Variants in RTN4RL1 observed in about 807,000 individuals in gnomAD.
RTN4RL1 encodes reticulon-4 receptor-like 1.
Under a neutral mutation model 25.6 loss-of-function variants are expected in RTN4RL1, and 7 were observed. That is an observed-to-expected ratio of 0.27 (90% CI 0.16 to 0.51). The LOEUF is 0.51. Among genes scored for constraint, RTN4RL1 ranks in the 20% least tolerant of loss-of-function variants. RTN4RL1 has a pLI of 0.97. For missense variants in RTN4RL1, 500 were observed against 615.6 expected, an observed-to-expected ratio of 0.81 and a Z score of 1.99; for synonymous variants, 297 against 288.2, an observed-to-expected ratio of 1.03 and a Z score of -0.31.
At chr17:1,944,752 C>T (rs1481084113) in intron 1 of RTN4RL1, among the ~76,000 whole-genome samples, 5 of 152,286 alleles carry the variant, frequency 3.3e-5, no homozygotes, top group African/African-American at 7.2e-5. Flanking sequence ...CCACCGTGCC[C>T]GGCCAACTTC....
chr17:1,952,697 A>T (rs11654521), intron 1 of RTN4RL1, among the ~76,000 whole-genome samples: 68,330 of 151,172 alleles, frequency 0.45, 16,273 homozygotes, highest in Middle Eastern at 0.57. Context: ...TCCTCTTGGC[A>T]ATCAGGATCC....
rs1285793673 is a variant in RTN4RL1, at chr17:1,935,725, A to G, written c.*771T>C. The G allele has an allele frequency of 0.023, 4,645 of 198,680 alleles. 524 individuals carry two copies. Among genetic ancestry groups the G allele is most frequent in the Non-Finnish European group, 0.035 (4,218 of 120,206 alleles). The allele number at this position is 198,680 out of a possible 1,614,324, so 12.3% of individuals were successfully genotyped here. On this transcript the variant is annotated 3_prime_UTR_variant, in exon 2 of 2. Coordinates refer to ENST00000331238, the MANE Select transcript of RTN4RL1 (RefSeq NM_178568.4). ...TGTGCATTTGTGTATATATATATAT[A>G]TATATATATATATATATATATATAT...
chr17:1,937,857 A>G (rs1915345197), intron 1 of RTN4RL1, 49 bp from the exon 2 acceptor site: 3 of 1,426,840 alleles, frequency 2.1e-6, no homozygotes, highest in South Asian at 2.5e-5. Context: ...GCAGGTGAGG[A>G]CTGGCACCGC....
At chr17:2,006,034 T>C (rs2066992927) in intron 1 of RTN4RL1, among the ~76,000 whole-genome samples, 1 of 152,006 alleles carries the variant, frequency 6.6e-6, no homozygotes, top group Admixed American at 6.6e-5. Flanking sequence ...CTTGACCTCA[T>C]GATCCACCCG....
At chr17:1,983,028 G>A (rs2066873995) in intron 1 of RTN4RL1, among the ~76,000 whole-genome samples, 1 of 151,960 alleles carries the variant, frequency 6.6e-6, no homozygotes, top group South Asian at 2.1e-4. Context: ...GCTATGCTGA[G>A]ACCTCACATT....
chr17:1,977,544 G>A (rs9908557), intron 1 of RTN4RL1, among the ~76,000 whole-genome samples: 35,326 of 151,964 alleles, frequency 0.23, 4,429 homozygotes, highest in Middle Eastern at 0.33. Context: ...CCGCCGGCCT[G>A]GGGTGTCTGG....
chr17:2,007,374 A>ACACACT (rs397809633), intron 1 of RTN4RL1, among the ~76,000 whole-genome samples: 69 of 142,486 alleles, frequency 4.8e-4, no homozygotes, highest in Admixed American at 9.8e-4. Flanking sequence ...ACACACACAC[A>ACACACT]CTCTTCCTCT....
In RTN4RL1 at chr17:1,994,082, G is replaced by A. The variant is rs761594818; in HGVS notation, c.13+30771C>T. 5.9e-5 allele frequency among the ~76,000 whole-genome samples: 9 copies of A among 152,098 alleles called. No homozygotes were observed. The highest frequency in any genetic ancestry group is 3.4e-3 in the Middle Eastern group (1 of 294). On this transcript the variant is annotated intron_variant, in intron 1 of 1. Transcript: ENST00000331238. The surrounding 1 kb of genome is among the most constrained non-coding windows in gnomAD (Gnocchi z 4.3). ...TGAACCACCCCGTTCCTCAGGACAC[G>A]TGCACTCGAACCTCGCCGCTCCGGG...
At chr17:1,956,432 G>C (rs1915794849) in intron 1 of RTN4RL1, among the ~76,000 whole-genome samples, 3 of 151,520 alleles carry the variant, frequency 2.0e-5, no homozygotes, top group African/African-American at 7.3e-5. Context: ...ACTCAAGTGG[G>C]GGCCTGGTGG....
rs149788025 is a variant in RTN4RL1 at position 2,021,834 on chromosome 17, T to A, written c.13+3019A>T. Among the ~76,000 whole-genome samples the A allele has an allele frequency of 1.4e-4, 20 of 144,504 alleles. No individual in the cohort carries two copies. The South Asian group carries it at 4.6e-3, about 33-fold the overall frequency. 94.8% of individuals were successfully genotyped at this position (144,504 alleles called of 152,430 possible). A position where few individuals can be genotyped will look rare whatever the true frequency, so the allele number is the denominator to read the frequency against. ...CCTCCCAAAGTGCTGGGATTACAGG[T>A]GTGAGCCACTGTGCCCGGTCTTTTT... is the stretch of plus-strand genomic sequence containing the variant. On this transcript the variant is annotated intron_variant, in intron 1 of 1. Transcript: ENST00000331238.
At chr17:1,993,966 C>G (rs775235181) in intron 1 of RTN4RL1, among the ~76,000 whole-genome samples, 7 of 152,120 alleles carry the variant, frequency 4.6e-5, no homozygotes, top group Non-Finnish European at 1.0e-4. Context: ...AAATCTGAAG[C>G]AATTTCCCAA....
At chr17:2,024,792 G>A in intron 1 of RTN4RL1, 61 bp downstream of exon 1, 4 of 1,520,208 alleles carry the variant, frequency 2.6e-6, no homozygotes, top group Middle Eastern at 1.9e-4. Context: ...GGCGGCGCCC[G>A]GGCTCGCGGC....
intron 1 of RTN4RL1, among the ~76,000 whole-genome samples, chr17:1,951,137 T>C (rs1476174878): frequency 1.3e-5 from 2 of 151,110 alleles, no homozygotes; most frequent in Non-Finnish European, 1.5e-5. Context: ...TGGTGGTGGG[T>C]ACCTGTAGTC....
At chr17:2,019,017 C>G (rs1041988637) in intron 1 of RTN4RL1, 8 of 152,350 alleles carry the variant, frequency 5.3e-5, no homozygotes, top group African/African-American at 1.9e-4. Context: ...TGATGGACAC[C>G]AAGTCAGCGG....
chr17:1,949,175 G>T (rs932770454), intron 1 of RTN4RL1, among the ~76,000 whole-genome samples: 1 of 151,956 alleles, frequency 6.6e-6, no homozygotes, highest in Admixed American at 6.6e-5. Context: ...GTTAGCCAGG[G>T]TGTTCTCAAT....
chr17:1,944,391 C>A (rs1915495201), intron 1 of RTN4RL1, among the ~76,000 whole-genome samples: 2 of 152,192 alleles, frequency 1.3e-5, no homozygotes. Flanking sequence ...CCCCACAAGC[C>A]TCCTCCACTC....
intron 1 of RTN4RL1, among the ~76,000 whole-genome samples, chr17:1,980,852 C>T: frequency 1.1e-5 from 1 of 94,820 alleles, no homozygotes; most frequent in Non-Finnish European, 2.2e-5. Context: ...CACTTGAACC[C>T]AGGAGGTGGC....
intron 1 of RTN4RL1, among the ~76,000 whole-genome samples, chr17:1,945,299 T>C (rs1390742439): frequency 6.6e-6 from 1 of 152,090 alleles, no homozygotes; most frequent in Non-Finnish European, 1.5e-5. Flanking sequence ...CTCAGCTCAC[T>C]GTAACCTCCA....
rs139035163 is a variant in RTN4RL1 at position 1,973,072 on chromosome 17, T to A, written c.14-35264A>T. Among the ~76,000 whole-genome samples the A allele has an allele frequency of 1.1e-4, 17 of 152,230 alleles. No homozygotes were observed. The East Asian group carries it at 2.9e-3, about 26-fold the overall frequency. ...GCTTTTGTTTCCCAATAACAACAAA[T>A]AAAGACTAGGCTGGGCACGGCGGCT... is the stretch of plus-strand genomic sequence containing the variant. On this transcript the variant is annotated intron_variant, in intron 1 of 1. Transcript: ENST00000331238.
Sources: gnomAD v4.1 joint callset for allele counts (sites outside exome capture counted in the v4.1 genomes callset) on GRCh38, gnomAD v4.1.1 for gene constraint, Gnocchi (gnomAD v3.1) non-coding constraint, MANE v1.5 for transcripts, NCBI Gene and HGNC (gene_info 2026-07-23, HGNC 2026-07-21) for gene names.